Variants in PCDHGA2 observed in about 807,000 individuals in gnomAD.
PCDHGA2 encodes the protein protocadherin gamma-A2.
PCDHGA2 carries 40 observed loss-of-function variants against 59.2 expected under a neutral mutation model. The ratio of observed to expected loss-of-function variants is 0.68; its 90% CI spans 0.52 to 0.88. The LOEUF (loss-of-function observed/expected upper bound fraction) is 0.88. PCDHGA2 is among the 40% of genes least tolerant of loss of function. PCDHGA2 has a pLI of 0.00. For missense variants in PCDHGA2, 1,226 were observed against 1,204.0 expected, an observed-to-expected ratio of 1.02 and a Z score of -0.27; for synonymous variants, 560 against 526.0, an observed-to-expected ratio of 1.06 and a Z score of -0.89.
chr5:141,487,143 C>T lies in PCDHGA2; in HGVS notation c.2425-7664C>T. Reference sequence around the variant, plus strand: ...GATAGTGGTAGTCCACCACTCTCTACCTCTGTTACTCTCTTAGTGTCCTTA... The same window carrying T: ...GATAGTGGTAGTCCACCACTCTCTATCTCTGTTACTCTCTTAGTGTCCTTA... On this transcript the variant is annotated intron_variant, in intron 1 of 3. Coordinates refer to ENST00000394576, the MANE Select transcript of PCDHGA2 (RefSeq NM_018915.4). This position sits in a 1 kb window ranked among gnomAD's most constrained non-coding sequence, Gnocchi z 5.0. 1.2e-6 allele frequency: 2 copies of T among 1,614,028 alleles called. No homozygotes were observed. Among genetic ancestry groups the T allele is most frequent in the Non-Finnish European group, 1.7e-6 (2 of 1,179,862 alleles).
At chr5:141,450,742 C>A (rs2098692216) in intron 1 of PCDHGA2, among the ~76,000 whole-genome samples, 1 of 152,118 alleles carries the variant, frequency 6.6e-6, no homozygotes, top group South Asian at 2.1e-4. Context: ...CCGCCTTGGC[C>A]TCCCAAAGTG....
In PCDHGA2 at chr5:141,409,417, G is replaced by A. The variant is rs774453166; in HGVS notation, c.2424+68022G>A. ...CTTCCAATAACTACTACAAACTGGT[G>A]ACAGATGGAGCCCTGGACCGAGAGC... On this transcript the variant is annotated intron_variant, in intron 1 of 3. Transcript: ENST00000394576. The A allele has an allele frequency of 5.6e-6, 9 of 1,613,880 alleles. No individual in the cohort carries two copies. The South Asian group carries it at 8.8e-5, about 16-fold the overall frequency.
At chr5:141,441,859 G>T in intron 1 of PCDHGA2, 1 of 348,078 alleles carries the variant, frequency 2.9e-6, no homozygotes. Context: ...GGTGCTGCAC[G>T]CCGCGGAGCC....
intron 1 of PCDHGA2, chr5:141,372,682 C>A (rs1169357229): frequency 1.9e-6 from 3 of 1,614,010 alleles, no homozygotes; most frequent in Non-Finnish European, 2.5e-6. Flanking sequence ...TCCTCAAACA[C>A]CGAGTTTAAA....
intron 1 of PCDHGA2, chr5:141,357,204 C>T (rs1216545771): frequency 1.2e-6 from 2 of 1,613,716 alleles, no homozygotes; most frequent in African/African-American, 1.3e-5. Flanking sequence ...CCGACAGCAT[C>T]CCAGATGTCC....
Position 141,431,711 on chromosome 5 carries a change from G to T in PCDHGA2, c.2425-63096G>T. On this transcript the variant is annotated intron_variant, in intron 1 of 3. Coordinates refer to ENST00000394576, the MANE Select transcript of PCDHGA2 (RefSeq NM_018915.4). This position sits in a 1 kb window ranked among gnomAD's most constrained non-coding sequence, Gnocchi z 4.8. ...CGAGGAGTCAGGATTCTACCAGATG[G>T]AAGTGCAAGCAATGGATAATGCAGG... 1 of 1,614,230 alleles carries T rather than the reference G, an allele frequency of 6.2e-7. No homozygotes were observed. The highest frequency in any genetic ancestry group is 1.1e-5 in the South Asian group (1 of 91,092).
At chr5:141,443,442 C>T (rs571341362) in intron 1 of PCDHGA2, among the ~76,000 whole-genome samples, 9 of 152,202 alleles carry the variant, frequency 5.9e-5, no homozygotes, top group East Asian at 1.9e-4. Context: ...GCTGTGGTTG[C>T]GCTCCTGTAC....
intron 1 of PCDHGA2, chr5:141,361,737 C>A: frequency 1.2e-6 from 2 of 1,613,162 alleles, no homozygotes; most frequent in Non-Finnish European, 1.7e-6. Context: ...CACTGCAGGC[C>A]CGCGACCAGG....
intron 1 of PCDHGA2, chr5:141,362,371 G>A (rs1016730976): frequency 1.4e-5 from 22 of 1,614,012 alleles, no homozygotes; most frequent in Non-Finnish European, 1.8e-5. Flanking sequence ...TTACAGTGAG[G>A]GTACATTGCC....
chr5:141,409,018 G>T lies in PCDHGA2; in HGVS notation c.2424+67623G>T, dbSNP rs369210340. The T allele has an allele frequency of 4.0e-5, 64 of 1,613,814 alleles. No individual in the cohort carries two copies. The Admixed American group carries it at 1.1e-3, about 27-fold the overall frequency. ...TGACAGCCACTGACCAGGATGAGGG[G>T]GTCAATGCTGAGATAAACTACTACT... On this transcript the variant is annotated intron_variant, in intron 1 of 3. Transcript: ENST00000394576.
chr5:141,490,062 C>A lies in PCDHGA2; in HGVS notation c.2425-4745C>A, dbSNP rs758715682. 6.2e-7 allele frequency: 1 copy of A among 1,614,218 alleles called. No homozygotes were observed. The highest frequency in any genetic ancestry group is 1.1e-5 in the South Asian group (1 of 91,082). ...CCACTGATCCAGACGAGGGCACCAA[C>A]GGCCAACTAGACTATTCTTTTGGAG... On this transcript the variant is annotated intron_variant, in intron 1 of 3. Coordinates refer to ENST00000394576, the MANE Select transcript of PCDHGA2 (RefSeq NM_018915.4). The surrounding 1 kb of genome is among the most constrained non-coding windows in gnomAD (Gnocchi z 5.4).
chr5:141,345,710 G>T lies in PCDHGA2; in HGVS notation c.2424+4315G>T, dbSNP rs373967163. 6 of 1,614,076 alleles carry T rather than the reference G, an allele frequency of 3.7e-6. No individual in the cohort carries two copies. The Admixed American group carries it at 1.0e-4, about 27-fold the overall frequency. ...TCGTGCTGGACCAGAACGACAACGC[G>T]CCCGAGATCCTGTACCCCGCCCTCC... On this transcript the variant is annotated intron_variant, in intron 1 of 3. Transcript: ENST00000394576.
At chr5:141,498,971 G>GGAAGGAA (rs2099787559) in intron 2 of PCDHGA2, among the ~76,000 whole-genome samples, 2 of 111,052 alleles carry the variant, frequency 1.8e-5, no homozygotes, top group African/African-American at 7.2e-5. Context: ...GAGGGAGGGA[G>GGAAGGAA]GGAAGGAAGG....
At chr5:141,345,007 C>G (rs1386175019) in intron 1 of PCDHGA2, 10 of 1,613,688 alleles carry the variant, frequency 6.2e-6, no homozygotes, top group East Asian at 4.5e-5. Flanking sequence ...CAGGATGGAC[C>G]AGGTCTTCTT....
chr5:141,341,604 T>A, intron 1 of PCDHGA2: 1 of 994,024 alleles, frequency 1.0e-6, no homozygotes, highest in Non-Finnish European at 1.4e-6. Flanking sequence ...GCAATGAATG[T>A]AAACCAGGAG....
rs2099068970 is a variant in PCDHGA2 at position 141,463,759 on chromosome 5, T to C, written c.2425-31048T>C. 2.0e-5 allele frequency among the ~76,000 whole-genome samples: 3 copies of C among 152,234 alleles called. No homozygotes were observed. The South Asian group carries it at 6.2e-4, about 32-fold the overall frequency. ...CCGCGCCCGGCCTGCTTCTCTTCTCTTATGGGTTAGAATCCTGCACTGTCT... is the reference window on the plus strand; with the variant it reads ...CCGCGCCCGGCCTGCTTCTCTTCTCCTATGGGTTAGAATCCTGCACTGTCT... On this transcript the variant is annotated intron_variant, in intron 1 of 3. Transcript: ENST00000394576.
At chr5:141,445,471 T>A (rs533909401) in intron 1 of PCDHGA2, among the ~76,000 whole-genome samples, 17 of 152,204 alleles carry the variant, frequency 1.1e-4, no homozygotes, top group Non-Finnish European at 2.4e-4. Context: ...AAGGCATATA[T>A]GATTCCTGAG....
At chr5:141,405,667 G>A (rs911046478) in intron 1 of PCDHGA2, among the ~76,000 whole-genome samples, 10 of 152,044 alleles carry the variant, frequency 6.6e-5, no homozygotes, top group Non-Finnish European at 7.4e-5. Flanking sequence ...TAGTAGAGAC[G>A]GGGTGTCACC....
chr5:141,466,401 T>A (rs2099122186), intron 1 of PCDHGA2, among the ~76,000 whole-genome samples: 1 of 152,210 alleles, frequency 6.6e-6, no homozygotes, highest in Non-Finnish European at 1.5e-5. Flanking sequence ...TTTGCTCAAC[T>A]TTAATTTTTC....
Sources: gnomAD v4.1 joint callset for allele counts (sites outside exome capture counted in the v4.1 genomes callset) on GRCh38, gnomAD v4.1.1 for gene constraint, Gnocchi (gnomAD v3.1) non-coding constraint, MANE v1.5 for transcripts, NCBI Gene and HGNC (gene_info 2026-07-23, HGNC 2026-07-21) for gene names.